Variants in EDEM1 observed in about 807,000 individuals in gnomAD.
The protein encoded by EDEM1 is ER degradation-enhancing alpha-mannosidase-like protein 1.
In EDEM1, 67 loss-of-function variants were observed where a neutral mutation model predicts 74.4. The observed-to-expected ratio is 0.90, with a 90% CI of 0.74 to 1.10. The LOEUF (loss-of-function observed/expected upper bound fraction) is 1.10, where lower values mean the gene tolerates loss of function less well. EDEM1 is among the 50% of genes least tolerant of loss of function. EDEM1 has a pLI of 0.00. For missense variants in EDEM1, 926 were observed against 851.6 expected (o/e 1.09, Z -1.09); for synonymous variants, 382 against 335.9 (o/e 1.14, Z -1.50).
At chr3:5,202,454 C>T (rs1052321398) in intron 4 of EDEM1, among the ~76,000 whole-genome samples, 64 of 152,224 alleles carry the variant, frequency 4.2e-4, no homozygotes, top group African/African-American at 1.4e-3. Flanking sequence ...GCCCAGAACT[C>T]CTCTGGGAAT....
intron 4 of EDEM1, among the ~76,000 whole-genome samples, chr3:5,202,424 T>C (rs2055045897): frequency 2.0e-5 from 3 of 152,226 alleles, no homozygotes; most frequent in African/African-American, 4.8e-5. Flanking sequence ...ATTATATATT[T>C]GTGACATCTG....
chr3:5,208,520 T>C (rs533378380), intron 8 of EDEM1, among the ~76,000 whole-genome samples: 9 of 152,294 alleles, frequency 5.9e-5, no homozygotes, highest in East Asian at 3.9e-4. Flanking sequence ...GTAGGACTTA[T>C]AACTCACATC....
Position 5,219,451 on chromosome 3 carries a change from C to G in EDEM1, c.*3533C>G, listed in dbSNP as rs371794128. On this transcript the variant is annotated 3_prime_UTR_variant, in exon 12 of 12. Transcript: ENST00000256497. Reference sequence around the variant, plus strand: ...GCAGGGCAGGGACCCCTTGGGAAATCGAGGAGGTGGGACGGGCTGGGCCCT... The same window carrying G: ...GCAGGGCAGGGACCCCTTGGGAAATGGAGGAGGTGGGACGGGCTGGGCCCT... The G allele has an allele frequency of 2.0e-5, 3 of 152,136 alleles. No homozygotes were observed. The South Asian group carries it at 6.2e-4, about 32-fold the overall frequency. The allele number at this position is 152,136 out of a possible 1,614,324, so 9.4% of individuals were successfully genotyped here.
In EDEM1 at chr3:5,208,147, A is replaced by G; in HGVS notation, c.1393A>G (p.Ile465Val). The G allele has an allele frequency of 6.2e-7, 1 of 1,612,814 alleles. No individual in the cohort carries two copies. The highest frequency in any genetic ancestry group is 2.2e-5 in the East Asian group (1 of 44,856). ...AICLHAFYYAIWKRYGALPER... is the reference protein window; with the variant it reads ...AICLHAFYYAVWKRYGALPER... ...CTGCCTTCATGCCTTCTACTATGCC[A>G]TATGGAAACGATATGGTGCCCTCCC... Residue 465 changes from isoleucine (I) to valine (V), a missense_variant, in exon 8 of 12, where the codon ATA becomes GTA. Physicochemically the swap from Ile to Val is conservative, Grantham distance 29. Coordinates refer to ENST00000256497, the MANE Select transcript of EDEM1 (RefSeq NM_014674.3).
chr3:5,205,272 T>C, intron 6 of EDEM1, 31 bp downstream of exon 6: 11 of 1,591,372 alleles, frequency 6.9e-6, no homozygotes, highest in Non-Finnish European at 9.4e-6. Context: ...CTCTGTTGCC[T>C]TGTAAAGCAA....
chr3:5,207,999 C>T (rs944894376), intron 7 of EDEM1, 94 bp from the exon 8 acceptor site: 22 of 1,426,508 alleles, frequency 1.5e-5, no homozygotes, highest in East Asian at 4.8e-5. Context: ...ACTAAGAACT[C>T]GGGGGCAGAG....
rs559832112 is a variant in EDEM1, at chr3:5,211,848, C to T, written c.1680+632C>T. Reference sequence around the variant, plus strand: ...GCAGAGCTGAGGTGTGAACTGTGGTCCTGACTCCCTGTCTGGTGCTCTTTC... The same window carrying T: ...GCAGAGCTGAGGTGTGAACTGTGGTTCTGACTCCCTGTCTGGTGCTCTTTC... On this transcript the variant is annotated intron_variant, in intron 10 of 11. Transcript: ENST00000256497. Among the ~76,000 whole-genome samples, 25 of 152,294 alleles carry T rather than the reference C, an allele frequency of 1.6e-4. 1 individual carries two copies. In the South Asian group the frequency reaches 5.2e-3, roughly 32 times the overall value.
rs372449910 is a variant in EDEM1, at chr3:5,211,243, G to A, written c.1680+27G>A. 4.2e-5 allele frequency: 67 copies of A among 1,601,422 alleles called. No homozygotes were observed. In the African/African-American group the frequency reaches 8.0e-4, roughly 19 times the overall value. ...TATGTGTGTTGCAAGATGAACCCAG[G>A]AATATTTAGTATTGCTTAGAGCAAG... On this transcript the variant is annotated intron_variant, in intron 10 of 11. Transcript: ENST00000256497.
Position 5,188,257 on chromosome 3 carries a change from C to G in EDEM1, c.452C>G (p.Pro151Arg). ...GACAACTACATGGCTCACGCCTTCC[C>G]CCAGGACGAGCTCAACCCCATCCAC... Reference protein sequence around the residue: ...GYDNYMAHAFPQDELNPIHCR... With the variant: ...GYDNYMAHAFRQDELNPIHCR... The change falls in exon 1 of 12, where the codon CCC becomes CGC. Residue 151 changes from proline to arginine, a missense_variant. Transcript: ENST00000256497. The G allele has an allele frequency of 1.3e-6, 2 of 1,576,982 alleles. No individual in the cohort carries two copies. The highest frequency in any genetic ancestry group is 1.7e-6 in the Non-Finnish European group (2 of 1,163,958).
In EDEM1 at chr3:5,213,510, C is replaced by T; in HGVS notation, c.1872C>T (p.Asn624=). 2 of 1,608,080 alleles carry T rather than the reference C, an allele frequency of 1.2e-6. No homozygotes were observed. Among genetic ancestry groups the T allele is most frequent in the Non-Finnish European group, 1.7e-6 (2 of 1,176,142 alleles). Residue 624 remains asparagine, a synonymous_variant, in exon 11 of 12, where the codon AAC becomes AAT. Coordinates refer to ENST00000256497, the MANE Select transcript of EDEM1 (RefSeq NM_014674.3). Reference sequence around the variant, plus strand: ...AACCTCATGAGTTAAAAGTCATCAACTCCAGCTCCAACGTGAGTTGCTTTT... The same window carrying T: ...AACCTCATGAGTTAAAAGTCATCAATTCCAGCTCCAACGTGAGTTGCTTTT... ...RPKPHELKVI[N]SSSNCNRVPD...
At chr3:5,215,604 C>T (rs1051719503) in intron 11 of EDEM1, among the ~76,000 whole-genome samples, 2 of 152,116 alleles carry the variant, frequency 1.3e-5, no homozygotes, top group South Asian at 4.1e-4. Flanking sequence ...CGTCTGGAGA[C>T]GTTTTTGATT....
chr3:5,210,057 G>C, intron 8 of EDEM1, 118 bp from the exon 9 acceptor site: 1 of 841,368 alleles, frequency 1.2e-6, no homozygotes, highest in South Asian at 1.4e-5. Context: ...CCTGGGCCCT[G>C]TTTCTTCCTT....
chr3:5,209,639 T>A (rs2055143929), intron 8 of EDEM1, among the ~76,000 whole-genome samples: 1 of 152,286 alleles, frequency 6.6e-6, no homozygotes, highest in African/African-American at 2.4e-5. Flanking sequence ...TAAAACCATC[T>A]AAGAGTATGT....
chr3:5,206,375 T>C (rs1433652161), intron 6 of EDEM1, among the ~76,000 whole-genome samples: 1 of 152,008 alleles, frequency 6.6e-6, no homozygotes, highest in Non-Finnish European at 1.5e-5. Flanking sequence ...GCCTGGCTGA[T>C]TTTTGTATTT....
intron 2 of EDEM1, among the ~76,000 whole-genome samples, chr3:5,199,363 T>G (rs1295304354): frequency 2.0e-5 from 3 of 152,216 alleles, no homozygotes; most frequent in Non-Finnish European, 4.4e-5. Context: ...AAGGAATTAT[T>G]TTCACAGTTT....
chr3:5,207,081 C>T, intron 6 of EDEM1, 72 bp from the exon 7 acceptor site: 1 of 1,570,328 alleles, frequency 6.4e-7, no homozygotes, highest in Non-Finnish European at 8.6e-7. Flanking sequence ...AAACTACCAG[C>T]AGCTGCTGGA....
intron 4 of EDEM1, 75 bp downstream of exon 4, chr3:5,201,999 T>C (rs116471753): frequency 6.6e-7 from 1 of 1,513,982 alleles, no homozygotes; most frequent in Non-Finnish European, 8.9e-7. Flanking sequence ...GCTTACTAAT[T>C]TATTTGGGAG....
intron 4 of EDEM1, 53 bp from the exon 5 acceptor site, chr3:5,202,913 G>A (rs2055050514): frequency 6.4e-7 from 1 of 1,562,714 alleles, no homozygotes; most frequent in South Asian, 1.1e-5. Flanking sequence ...CGGCTTTTCA[G>A]CTCTGTGGAT....
At chr3:5,201,667 T>C (rs2055036406) in intron 3 of EDEM1, 86 bp from the exon 4 acceptor site, 2 of 1,526,896 alleles carry the variant, frequency 1.3e-6, no homozygotes, top group Non-Finnish European at 9.0e-7. Context: ...TATGTGGATA[T>C]GAACATACTT....
Sources: gnomAD v4.1 joint callset for allele counts (sites outside exome capture counted in the v4.1 genomes callset) on GRCh38, gnomAD v4.1.1 for gene constraint, MANE v1.5 for transcripts, NCBI Gene and HGNC (gene_info 2026-07-23, HGNC 2026-07-21) for gene names.